The following DEK variants were observed in gnomAD, a reference collection of about 807,000 sequenced individuals.
DEK encodes the protein DEK proto-oncogene.
Under a neutral mutation model 46.8 loss-of-function variants are expected in DEK, and 28 were observed. That is an observed-to-expected ratio of 0.60 (90% CI 0.44 to 0.82). The LOEUF is 0.82. Among genes scored for constraint, DEK ranks in the 40% least tolerant of loss-of-function variants. The pLI is 0.00. For missense variants in DEK, 416 were observed against 430.6 expected, an observed-to-expected ratio of 0.97 and a Z score of 0.30; for synonymous variants, 160 against 144.5, an observed-to-expected ratio of 1.11 and a Z score of -0.77.
At chr6:18,247,074 A>T (rs1440416638) in intron 7 of DEK, among the ~76,000 whole-genome samples, 1 of 152,212 alleles carries the variant, frequency 6.6e-6, no homozygotes, top group African/African-American at 2.4e-5. Flanking sequence ...CCATTTATGA[A>T]GTTCCTAACA....
intron 9 of DEK, among the ~76,000 whole-genome samples, chr6:18,228,508 G>A (rs1238370038): frequency 1.3e-5 from 2 of 151,992 alleles, no homozygotes; most frequent in African/African-American, 4.8e-5. Context: ...TCTCACTGGG[G>A]CTTGTCGGAC....
Position 18,237,369 on chromosome 6 carries a change from T to C in DEK, c.898+12A>G. ...TCTTTAAAGTTGCTGATTAATGTTA[T>C]TTCTAACATACCTTTTTTGGAACTG... is the stretch of plus-strand genomic sequence containing the variant. On this transcript the variant is annotated intron_variant, in intron 8 of 10. Coordinates refer to ENST00000652689, the MANE Select transcript of DEK (RefSeq NM_003472.4). 6.3e-7 allele frequency: 1 copy of C among 1,587,426 alleles called. No homozygotes were observed. The highest frequency in any genetic ancestry group is 8.5e-7 in the Non-Finnish European group (1 of 1,173,632).
intron 9 of DEK, among the ~76,000 whole-genome samples, chr6:18,227,164 G>A (rs2151075559): frequency 6.6e-6 from 1 of 152,222 alleles, no homozygotes; most frequent in South Asian, 2.1e-4. Flanking sequence ...CCCTTAAAGG[G>A]TCTGTGCTGA....
chr6:18,225,855 G>T, intron 10 of DEK, 125 bp from the exon 11 acceptor site: 1 of 1,156,868 alleles, frequency 8.6e-7, no homozygotes, highest in Non-Finnish European at 1.3e-6. Context: ...ACAGCTACCT[G>T]CTGATCTTCC....
chr6:18,255,979 T>C, intron 5 of DEK, 128 bp from the exon 6 acceptor site: 2 of 1,080,990 alleles, frequency 1.9e-6, no homozygotes, highest in Non-Finnish European at 2.5e-6. Flanking sequence ...CCAATGCTTC[T>C]ATGAATCTTT....
intron 2 of DEK, among the ~76,000 whole-genome samples, chr6:18,258,772 T>C (rs925884344): frequency 6.6e-6 from 1 of 152,216 alleles, no homozygotes; most frequent in Non-Finnish European, 1.5e-5. Flanking sequence ...TAATTGAGAT[T>C]CAGTTTGCTG....
chr6:18,248,487 A>G (rs76308289), intron 7 of DEK, among the ~76,000 whole-genome samples: 93 of 152,212 alleles, frequency 6.1e-4, no homozygotes, highest in Non-Finnish European at 1.2e-3. Flanking sequence ...ATCCATAAAG[A>G]CCTTAATGCT....
chr6:18,258,221 T>G, intron 3 of DEK, 83 bp downstream of exon 3: 1 of 1,239,732 alleles, frequency 8.1e-7, no homozygotes. Flanking sequence ...AACACTACCT[T>G]GCTGATACTA....
chr6:18,232,280 T>A (rs191489613), intron 9 of DEK, among the ~76,000 whole-genome samples: 1 of 152,212 alleles, frequency 6.6e-6, no homozygotes, highest in African/African-American at 2.4e-5. Context: ...AAAACTGGAA[T>A]CATTCCCTTT....
intron 2 of DEK, among the ~76,000 whole-genome samples, chr6:18,262,258 A>G (rs1791909390): frequency 1.3e-5 from 2 of 151,904 alleles, no homozygotes; most frequent in Admixed American, 1.3e-4. Flanking sequence ...TTTTCTTTAT[A>G]AACTACCCTG....
intron 7 of DEK, among the ~76,000 whole-genome samples, chr6:18,245,559 T>C (rs542763823): frequency 7.6e-4 from 115 of 151,390 alleles, no homozygotes; most frequent in African/African-American, 2.5e-3. Context: ...AAAATAAAAA[T>C]TGAAGACAGA....
At chr6:18,229,430 A>G (rs1431723271) in intron 9 of DEK, among the ~76,000 whole-genome samples, 1 of 152,216 alleles carries the variant, frequency 6.6e-6, no homozygotes, top group East Asian at 1.9e-4. Context: ...AAACTTCTCC[A>G]AGCTAAAGGA....
intron 7 of DEK, among the ~76,000 whole-genome samples, chr6:18,248,684 C>G (rs1297787274): frequency 3.3e-5 from 5 of 152,136 alleles, no homozygotes; most frequent in Non-Finnish European, 7.3e-5. Flanking sequence ...ATACTAAACA[C>G]CCACACATAT....
intron 6 of DEK, among the ~76,000 whole-genome samples, chr6:18,250,780 C>A (rs958817802): frequency 6.6e-6 from 1 of 151,686 alleles, no homozygotes; most frequent in Non-Finnish European, 1.5e-5. Context: ...CAGGCATGAG[C>A]CACCACGCCT....
chr6:18,242,235 C>A (rs1337861286), intron 7 of DEK, among the ~76,000 whole-genome samples: 1 of 152,222 alleles, frequency 6.6e-6, no homozygotes, highest in Non-Finnish European at 1.5e-5. Context: ...TGGTGGCATG[C>A]ACCTGTGGAC....
At chr6:18,264,116 C>G (rs1463521538) in intron 1 of DEK, 120 bp from the exon 2 acceptor site, 2 of 905,934 alleles carry the variant, frequency 2.2e-6, no homozygotes, top group African/African-American at 3.4e-5. Flanking sequence ...TTGCCTCCTC[C>G]CATAGCCGGG....
chr6:18,263,611 T>C (rs1172514460), intron 2 of DEK, among the ~76,000 whole-genome samples: 1 of 152,056 alleles, frequency 6.6e-6, no homozygotes, highest in Non-Finnish European at 1.5e-5. Context: ...TCGGCTGCAC[T>C]CCAATACATC....
intron 6 of DEK, among the ~76,000 whole-genome samples, chr6:18,251,573 G>GAA (rs1472899683): frequency 6.6e-6 from 1 of 152,214 alleles, no homozygotes; most frequent in Non-Finnish European, 1.5e-5. Flanking sequence ...ATTTCTCAGA[G>GAA]AAGATTCTCT....
At chr6:18,229,419 C>T (rs1790301190) in intron 9 of DEK, among the ~76,000 whole-genome samples, 1 of 152,282 alleles carries the variant, frequency 6.6e-6, no homozygotes. Flanking sequence ...TTCAGACGAT[C>T]AAACTTCTCC....
Sources: allele counts gnomAD v4.1 joint callset (sites outside exome capture counted in the v4.1 genomes callset), GRCh38; gene constraint gnomAD v4.1.1; transcripts MANE v1.5; gene names NCBI Gene and HGNC (gene_info 2026-07-23, HGNC 2026-07-21).